The following TMEM132B variants were observed in gnomAD, a reference collection of about 807,000 sequenced individuals.
TMEM132B encodes the protein transmembrane protein 132B.
In TMEM132B, 18 loss-of-function variants were observed where a neutral mutation model predicts 90.8. That is an observed-to-expected ratio of 0.20 (90% CI 0.14 to 0.29). The LOEUF (loss-of-function observed/expected upper bound fraction) is 0.29. TMEM132B is among the 10% of genes least tolerant of loss of function. TMEM132B has a pLI of 1.00. For synonymous variants in TMEM132B, 504 were observed against 523.3 expected, an observed-to-expected ratio of 0.96 and a Z score of 0.50; for missense variants, 1,096 against 1,326.8, an observed-to-expected ratio of 0.83 and a Z score of 2.70.
At chr12:125,262,893 C>A (rs1256287536) in intron 1 of TMEM132B, among the ~76,000 whole-genome samples, 5 of 152,226 alleles carry the variant, frequency 3.3e-5, no homozygotes, top group Non-Finnish European at 4.4e-5. Context: ...AGGGCCTCTT[C>A]AAGGCAGACC....
rs1875050761 is a variant in TMEM132B, at chr12:125,277,982, C to T, written c.68-71470C>T. On this transcript the variant is annotated intron_variant, in intron 1 of 8. Transcript: ENST00000682704. The surrounding 1 kb of genome is among the most constrained non-coding windows in gnomAD (Gnocchi z 4.3). Reference sequence around the variant, plus strand: ...CCACTTCCAGTTGTCCTAAAACCAGCCTGCTTCTCCCAGTTGTGTTTTGTG... The same window carrying T: ...CCACTTCCAGTTGTCCTAAAACCAGTCTGCTTCTCCCAGTTGTGTTTTGTG... Among the ~76,000 whole-genome samples the T allele has an allele frequency of 6.6e-6, 1 of 152,218 alleles. No homozygotes were observed. Among genetic ancestry groups the T allele is most frequent in the Admixed American group, 6.5e-5 (1 of 15,286 alleles).
In TMEM132B at chr12:125,252,342, C is replaced by T. The variant is rs557980316; in HGVS notation, c.67+65476C>T. On this transcript the variant is annotated intron_variant, in intron 1 of 8. Coordinates refer to ENST00000682704, the MANE Select transcript of TMEM132B (RefSeq NM_001366854.1). ...CCTTTCTCCAGGCCTCCGGTTCCCA[C>T]GGTGGCATGTGGTGGCCTCACAGCT... Among the ~76,000 whole-genome samples the T allele has an allele frequency of 7.9e-4, 121 of 152,318 alleles. 2 individuals carry two copies. The South Asian group carries it at 0.021, about 26-fold the overall frequency.
intron 5 of TMEM132B, among the ~76,000 whole-genome samples, chr12:125,626,997 C>A (rs1886249198): frequency 6.6e-6 from 1 of 152,064 alleles, no homozygotes; most frequent in South Asian, 2.1e-4. Context: ...CACTCTTATT[C>A]CCTTTGTGTT....
intron 1 of TMEM132B, among the ~76,000 whole-genome samples, chr12:125,219,292 T>C (rs995167556): frequency 6.6e-6 from 1 of 152,212 alleles, no homozygotes; most frequent in Non-Finnish European, 1.5e-5. Context: ...CTCTGCAGAA[T>C]TCTATTATCT....
chr12:125,557,593 T>A (rs1441390262), intron 4 of TMEM132B, among the ~76,000 whole-genome samples: 2 of 152,230 alleles, frequency 1.3e-5, no homozygotes, highest in Admixed American at 1.3e-4. Context: ...GTAGGATGCA[T>A]TTAAGGAAGG....
intron 3 of TMEM132B, among the ~76,000 whole-genome samples, chr12:125,462,179 C>T (rs1356694962): frequency 1.3e-5 from 2 of 152,082 alleles, no homozygotes; most frequent in Non-Finnish European, 2.9e-5. Context: ...GGGAATAGAT[C>T]GCAGGTTGAC....
chr12:125,595,152 G>C (rs1185252462), intron 5 of TMEM132B, among the ~76,000 whole-genome samples: 1 of 152,118 alleles, frequency 6.6e-6, no homozygotes, highest in Non-Finnish European at 1.5e-5. Flanking sequence ...TAATGTGCTG[G>C]TTTATTGCCC....
intron 5 of TMEM132B, among the ~76,000 whole-genome samples, chr12:125,627,674 A>G (rs1291796247): frequency 6.6e-6 from 1 of 152,084 alleles, no homozygotes; most frequent in Non-Finnish European, 1.5e-5. Context: ...CAATCCAGTT[A>G]TACTCTTCTA....
chr12:125,481,789 A>G (rs1882050038), intron 3 of TMEM132B, among the ~76,000 whole-genome samples: 1 of 152,160 alleles, frequency 6.6e-6, no homozygotes, highest in African/African-American at 2.4e-5. Context: ...GAGTCCCCAG[A>G]GCCAAGACAA....
At chr12:125,642,100 T>G (rs1469853526) in intron 5 of TMEM132B, among the ~76,000 whole-genome samples, 1 of 152,230 alleles carries the variant, frequency 6.6e-6, no homozygotes, top group African/African-American at 2.4e-5. Flanking sequence ...GAGGTCTTAC[T>G]GAGCCTTCAC....
intron 3 of TMEM132B, among the ~76,000 whole-genome samples, chr12:125,427,408 A>G (rs1159571922): frequency 6.6e-6 from 1 of 152,356 alleles, no homozygotes; most frequent in South Asian, 2.1e-4. Flanking sequence ...GCCCATAGCC[A>G]TGTAGCTAGG....
chr12:125,275,836 C>T (rs377750135), intron 1 of TMEM132B, among the ~76,000 whole-genome samples: 1 of 152,076 alleles, frequency 6.6e-6, no homozygotes, highest in Non-Finnish European at 1.5e-5. Context: ...ATCTCAGCCT[C>T]CTGAATAGCT....
chr12:125,225,434 C>T (rs1053480086), intron 1 of TMEM132B, among the ~76,000 whole-genome samples: 1 of 152,248 alleles, frequency 6.6e-6, no homozygotes, highest in Admixed American at 6.5e-5. Context: ...AGGCCACTCA[C>T]ACACGAAGCC....
chr12:125,349,084 T>C lies in TMEM132B; in HGVS notation c.68-368T>C, dbSNP rs1020944501. On this transcript the variant is annotated intron_variant, in intron 1 of 8. Transcript: ENST00000682704. The surrounding 1 kb of genome is among the most constrained non-coding windows in gnomAD (Gnocchi z 4.1). ...TCACATACAATGGTGCAATGCCTGA[T>C]TGGTAGACTTGGTAGGTACGCAACC... Among the ~76,000 whole-genome samples the C allele has an allele frequency of 2.6e-5, 4 of 152,222 alleles. No individual in the cohort carries two copies. Among genetic ancestry groups the C allele is most frequent in the African/African-American group, 9.6e-5 (4 of 41,464 alleles).
At chr12:125,499,249 ATTTGTTGACCAAAT>A (rs1252339362) in intron 3 of TMEM132B, among the ~76,000 whole-genome samples, 1 of 152,208 alleles carries the variant, frequency 6.6e-6, no homozygotes, top group Non-Finnish European at 1.5e-5. Flanking sequence ...AATTTTGATA[ATTTGTTGACCAAAT>A]TTAGTATTTC....
chr12:125,439,766 C>T (rs1880814097), intron 3 of TMEM132B, among the ~76,000 whole-genome samples: 1 of 152,152 alleles, frequency 6.6e-6, no homozygotes, highest in Non-Finnish European at 1.5e-5. Flanking sequence ...GGGAATGCTT[C>T]CAGCTTTTCC....
At chr12:125,535,081 A>T (rs1883762170) in intron 4 of TMEM132B, among the ~76,000 whole-genome samples, 1 of 152,254 alleles carries the variant, frequency 6.6e-6, no homozygotes, top group South Asian at 2.1e-4. Flanking sequence ...TTTATAACCT[A>T]TATATCTAAT....
chr12:125,231,239 A>G (rs557183470), intron 1 of TMEM132B, among the ~76,000 whole-genome samples: 46 of 148,882 alleles, frequency 3.1e-4, no homozygotes, highest in East Asian at 2.3e-3. Context: ...GTGTGTGTGT[A>G]TATCTGTGTC....
chr12:125,239,109 TGGA>T (rs959479917), intron 1 of TMEM132B, among the ~76,000 whole-genome samples: 5 of 151,908 alleles, frequency 3.3e-5, no homozygotes, highest in African/African-American at 9.7e-5. Flanking sequence ...GAAAGCTTCC[TGGA>T]GGAGGTGATG....
Sources: allele counts gnomAD v4.1 joint callset (sites outside exome capture counted in the v4.1 genomes callset), GRCh38; gene constraint gnomAD v4.1.1; non-coding constraint Gnocchi (gnomAD v3.1); transcripts MANE v1.5; gene names NCBI Gene and HGNC (gene_info 2026-07-23, HGNC 2026-07-21).